Variants in ADAMTS6 observed in about 807,000 individuals in gnomAD.
The protein encoded by ADAMTS6 is ADAM metallopeptidase with thrombospondin type 1 motif 6.
A neutral mutation model predicts 144.3 loss-of-function variants in ADAMTS6; 23 were observed. The observed-to-expected ratio is 0.16, with a 90% CI of 0.11 to 0.23. The LOEUF (loss-of-function observed/expected upper bound fraction) is 0.23. ADAMTS6 is among the 10% of genes least tolerant of loss of function. The probability of loss-of-function intolerance (pLI) is 1.00; values close to 1 mark genes in which losing one functional copy is unlikely to be tolerated. For synonymous variants in ADAMTS6, 444 were observed against 457.5 expected, an observed-to-expected ratio of 0.97 and a Z score of 0.38; for missense variants, 999 against 1,379.6, an observed-to-expected ratio of 0.72 and a Z score of 4.37.
intron 21 of ADAMTS6, among the ~76,000 whole-genome samples, chr5:65,193,561 TA>T (rs1217239327): frequency 5.3e-5 from 8 of 152,060 alleles, no homozygotes; most frequent in African/African-American, 1.9e-4. Flanking sequence ...AATGAAAGAT[TA>T]TTTTTAAAAT....
chr5:65,182,092 T>C (rs141488414), intron 22 of ADAMTS6, among the ~76,000 whole-genome samples: 1 of 152,262 alleles, frequency 6.6e-6, no homozygotes, highest in Non-Finnish European at 1.5e-5. Context: ...AATTCATTCA[T>C]CTCCATCTGA....
intron 20 of ADAMTS6, among the ~76,000 whole-genome samples, chr5:65,205,185 C>A (rs1211955281): frequency 6.7e-6 from 1 of 149,662 alleles, no homozygotes; most frequent in Non-Finnish European, 1.5e-5. Flanking sequence ...CTTTGAGTTT[C>A]TGTGAAAGTT....
At chr5:65,162,780 C>T (rs1178334554) in intron 24 of ADAMTS6, among the ~76,000 whole-genome samples, 1 of 152,134 alleles carries the variant, frequency 6.6e-6, no homozygotes. Context: ...TCTCTCCTAC[C>T]TTAACCTTGT....
intron 11 of ADAMTS6, among the ~76,000 whole-genome samples, chr5:65,288,528 C>T (rs966685502): frequency 6.6e-6 from 1 of 152,032 alleles, no homozygotes; most frequent in African/African-American, 2.4e-5. Context: ...CCATGTTAGC[C>T]AGGATGGTCT....
At chr5:65,204,630 G>A (rs530001800) in intron 20 of ADAMTS6, among the ~76,000 whole-genome samples, 9 of 152,282 alleles carry the variant, frequency 5.9e-5, no homozygotes, top group Admixed American at 3.9e-4. Context: ...TGTCTAGTCC[G>A]ATAAATATAT....
chr5:65,275,968 A>G (rs959848079), intron 11 of ADAMTS6, among the ~76,000 whole-genome samples: 1 of 152,140 alleles, frequency 6.6e-6, no homozygotes, highest in African/African-American at 2.4e-5. Flanking sequence ...TTCTTACTTT[A>G]GACAAAGGTA....
chr5:65,417,029 C>T (rs570427012), intron 7 of ADAMTS6, among the ~76,000 whole-genome samples: 1 of 152,036 alleles, frequency 6.6e-6, no homozygotes, highest in Non-Finnish European at 1.5e-5. Context: ...GTTAATTCAC[C>T]ATGATAAAGG....
intron 16 of ADAMTS6, 31 bp downstream of exon 16, chr5:65,226,055 C>G: frequency 6.4e-7 from 1 of 1,568,558 alleles, no homozygotes; most frequent in Non-Finnish European, 8.7e-7. Context: ...GTCTCAAAAA[C>G]CCCAACAGAA....
rs531132076 is a variant in ADAMTS6, at chr5:65,372,768, C to G, written c.1074-38683G>C. ...TGCACCAAGCAGACCTAATAGACATCTACAGAACTCTCCACCCCAAATCAA... is the reference window on the plus strand; with the variant it reads ...TGCACCAAGCAGACCTAATAGACATGTACAGAACTCTCCACCCCAAATCAA... On this transcript the variant is annotated intron_variant, in intron 7 of 24. Coordinates refer to ENST00000381055, the MANE Select transcript of ADAMTS6 (RefSeq NM_197941.4). 2.0e-5 allele frequency among the ~76,000 whole-genome samples: 3 copies of G among 152,318 alleles called. 1 individual carries two copies. The South Asian group carries it at 6.2e-4, about 32-fold the overall frequency.
At chr5:65,272,129 T>A (rs1190731930) in intron 12 of ADAMTS6, among the ~76,000 whole-genome samples, 2 of 152,202 alleles carry the variant, frequency 1.3e-5, no homozygotes, top group Non-Finnish European at 2.9e-5. Flanking sequence ...CTTTCATTCT[T>A]TTTTACTTAA....
chr5:65,397,126 A>C (rs982116755), intron 7 of ADAMTS6, among the ~76,000 whole-genome samples: 5 of 152,202 alleles, frequency 3.3e-5, no homozygotes, highest in African/African-American at 1.2e-4. Context: ...GAGAGCATAG[A>C]GTTGTTCATA....
chr5:65,291,592 C>A, intron 10 of ADAMTS6, 122 bp from the exon 11 acceptor site: 1 of 1,032,626 alleles, frequency 9.7e-7, no homozygotes, highest in Non-Finnish European at 1.3e-6. Flanking sequence ...TACATTCTCC[C>A]AATAAATAAT....
chr5:65,464,501 G>C (rs992197809), intron 3 of ADAMTS6, among the ~76,000 whole-genome samples: 4 of 152,088 alleles, frequency 2.6e-5, no homozygotes, highest in African/African-American at 9.7e-5. Flanking sequence ...ATATTGGTTT[G>C]TTACCTATAT....
intron 7 of ADAMTS6, among the ~76,000 whole-genome samples, chr5:65,376,086 G>T (rs1741267479): frequency 7.0e-6 from 1 of 143,156 alleles, no homozygotes; most frequent in Non-Finnish European, 1.5e-5. Flanking sequence ...ACAGGAAGGG[G>T]AACATCACAC....
At chr5:65,163,303 G>C (rs1353630974) in intron 24 of ADAMTS6, among the ~76,000 whole-genome samples, 1 of 152,106 alleles carries the variant, frequency 6.6e-6, no homozygotes, top group East Asian at 1.9e-4. Context: ...CTTCTCAAGA[G>C]AGGGAAAGCT....
At chr5:65,378,588 A>T (rs1312175612) in intron 7 of ADAMTS6, among the ~76,000 whole-genome samples, 1 of 152,134 alleles carries the variant, frequency 6.6e-6, no homozygotes, top group African/African-American at 2.4e-5. Context: ...TTGTCTTATG[A>T]TGTTACACTC....
chr5:65,463,170 G>A (rs1338263922), intron 3 of ADAMTS6, among the ~76,000 whole-genome samples: 3 of 151,876 alleles, frequency 2.0e-5, no homozygotes, highest in Non-Finnish European at 4.4e-5. Context: ...AATCAAAAAG[G>A]ACAGAGAATA....
chr5:65,319,864 A>G (rs1252849102), intron 9 of ADAMTS6, among the ~76,000 whole-genome samples: 1 of 152,136 alleles, frequency 6.6e-6, no homozygotes, highest in Non-Finnish European at 1.5e-5. Context: ...TTTTTCTGAG[A>G]AGGAGTTTCA....
intron 14 of ADAMTS6, among the ~76,000 whole-genome samples, chr5:65,250,173 G>A (rs1335101128): frequency 6.6e-6 from 1 of 152,150 alleles, no homozygotes. Context: ...TAGGTACTAG[G>A]AATAGCACTA....
Sources: gnomAD v4.1 joint callset for allele counts (sites outside exome capture counted in the v4.1 genomes callset) on GRCh38, gnomAD v4.1.1 for gene constraint, MANE v1.5 for transcripts, NCBI Gene and HGNC (gene_info 2026-07-23, HGNC 2026-07-21) for gene names.